NWD1: variants seen among roughly 807,000 people sequenced by gnomAD.
NWD1 encodes NACHT and WD repeat domain containing 1, also known as NACHT domain- and WD repeat-containing protein 1.
A neutral mutation model predicts 135.1 loss-of-function variants in NWD1; 129 were observed. The ratio of observed to expected loss-of-function variants is 0.96; its 90% confidence interval spans 0.83 to 1.11. The LOEUF is 1.11. Among genes scored for constraint, NWD1 ranks in the 50% least tolerant of loss-of-function variants. The pLI, the probability that NWD1 is intolerant of heterozygous loss-of-function variation, is 0.00. For synonymous variants in NWD1, 773 were observed against 786.0 expected (o/e 0.98, Z 0.28); for missense variants, 1,740 against 1,851.3 (o/e 0.94, Z 1.10).
intron 12 of NWD1, among the ~76,000 whole-genome samples, chr19:16,788,169 G>A (rs1264487371): frequency 2.0e-5 from 3 of 146,666 alleles, no homozygotes. Context: ...AGTGAAGGTT[G>A]CAATAAGCCA....
intron 10 of NWD1, among the ~76,000 whole-genome samples, chr19:16,770,691 G>A (rs1363411154): frequency 6.6e-6 from 1 of 152,080 alleles, no homozygotes; most frequent in Non-Finnish European, 1.5e-5. Context: ...AGGGCTGCTG[G>A]GAAGAGTACG....
intron 1 of NWD1, among the ~76,000 whole-genome samples, chr19:16,722,695 C>T (rs1967183900): frequency 6.6e-6 from 1 of 151,864 alleles, no homozygotes; most frequent in Non-Finnish European, 1.5e-5. Context: ...CCTCTAAGCC[C>T]TTGGAATGGG....
At position 16,790,329 on chromosome 19, in the gene NWD1, A is replaced by G. The variant is rs566225659; in HGVS notation, c.2941-1021A>G. Among the ~76,000 whole-genome samples, 26 of 152,268 alleles carry G rather than the reference A, an allele frequency of 1.7e-4. No individual in the cohort carries two copies. In the South Asian group the frequency reaches 5.2e-3, roughly 30 times the overall value. On this transcript the variant is annotated intron_variant, in intron 13 of 18. Transcript: ENST00000524140. Reference sequence around the variant, plus strand: ...TAGTGCTTAGCACACTGTAAGCACCAAATAATTGATATCTATTTATTATTA... The same window carrying G: ...TAGTGCTTAGCACACTGTAAGCACCGAATAATTGATATCTATTTATTATTA...
chr19:16,781,967 G>A (rs1969868492), intron 12 of NWD1, among the ~76,000 whole-genome samples: 1 of 151,298 alleles, frequency 6.6e-6, no homozygotes, highest in Non-Finnish European at 1.5e-5. Flanking sequence ...GATGGTGGGT[G>A]CCTGTAGTCC....
chr19:16,764,120 A>G (rs1386486627), intron 9 of NWD1, among the ~76,000 whole-genome samples, 175 bp downstream of exon 9: 1 of 152,156 alleles, frequency 6.6e-6, no homozygotes, highest in Non-Finnish European at 1.5e-5. Context: ...GTCCGCAGAT[A>G]GTTTTGGTTG....
Position 16,749,366 on chromosome 19 carries a change from C to CCT in NWD1, c.724_725insCT (p.His242ProfsTer11). 1 of 1,613,634 alleles carries CCT rather than the reference C, an allele frequency of 6.2e-7. No individual in the cohort carries two copies. Among genetic ancestry groups the CCT allele is most frequent in the Non-Finnish European group, 8.5e-7 (1 of 1,179,740 alleles). On this transcript the variant is annotated frameshift_variant, in exon 6 of 19. Transcript: ENST00000524140. LOFTEE classifies it high-confidence loss of function. ...CATGCACCCAGGGGTCCTCAAGACC[C>CCT]ACCGCCTGCCGTGGAGCCGCGACTT...
chr19:16,754,468 CCAT>C (rs1968706916), intron 6 of NWD1, among the ~76,000 whole-genome samples: 1 of 121,636 alleles, frequency 8.2e-6, no homozygotes, highest in East Asian at 2.0e-4. Flanking sequence ...TATTTTCCAT[CCAT>C]CCATCCATCC....
chr19:16,725,154 C>G (rs1967279835), intron 2 of NWD1, among the ~76,000 whole-genome samples: 1 of 151,756 alleles, frequency 6.6e-6, no homozygotes, highest in Admixed American at 6.6e-5. Flanking sequence ...GCTGGGACTA[C>G]AGGCGTGCAC....
chr19:16,749,200 CG>C lies in NWD1; in HGVS notation c.559del (p.Val187SerfsTer65). The C allele has an allele frequency of 6.2e-7, 1 of 1,613,662 alleles. No homozygotes were observed. Among genetic ancestry groups the C allele is most frequent in the Non-Finnish European group, 8.5e-7 (1 of 1,179,726 alleles). ...CAGAGGACCGGGAACAGGGAGCCACCGTCTTCCTTAGAGAGATCCAAGACCT... is the reference window on the plus strand; with the variant it reads ...CAGAGGACCGGGAACAGGGAGCCACCTCTTCCTTAGAGAGATCCAAGACCT... ...SSEDREQGAT[V>X]FLREIQDLHK... On this transcript the variant is annotated frameshift_variant, in exon 6 of 19. Transcript: ENST00000524140. LOFTEE classifies it high-confidence loss of function.
At chr19:16,785,174 C>T (rs1969996725) in intron 12 of NWD1, among the ~76,000 whole-genome samples, 1 of 152,014 alleles carries the variant, frequency 6.6e-6, no homozygotes. Context: ...GGTTGCACAA[C>T]ACTGTGAATG....
intron 11 of NWD1, among the ~76,000 whole-genome samples, chr19:16,775,386 C>A (rs1267759305): frequency 6.6e-6 from 1 of 151,836 alleles, no homozygotes; most frequent in Non-Finnish European, 1.5e-5. Context: ...AAAGCAGAGG[C>A]AAGAGGGAGT....
chr19:16,720,358 G>A (rs550284272), intron 1 of NWD1, 65 bp downstream of exon 1: 2 of 152,190 alleles, frequency 1.3e-5, no homozygotes, highest in Admixed American at 6.6e-5. Flanking sequence ...GGGTCACTAC[G>A]CAATGGGATG....
intron 1 of NWD1, among the ~76,000 whole-genome samples, chr19:16,723,489 TA>T (rs1257574067): frequency 1.3e-5 from 2 of 151,926 alleles, no homozygotes; most frequent in Non-Finnish European, 2.9e-5. Flanking sequence ...ATAATTTTTT[TA>T]TTTTGTAGAG....
At chr19:16,801,521 G>C (rs897781078) in intron 17 of NWD1, 1 of 152,188 alleles carries the variant, frequency 6.6e-6, no homozygotes, top group African/African-American at 2.4e-5. Context: ...CGGATCACTT[G>C]AGCTCAGGAG....
In NWD1 at chr19:16,815,812, T is replaced by C. The variant is rs911699947; in HGVS notation, c.*773T>C. The C allele has an allele frequency of 6.4e-6, 1 of 155,912 alleles. No individual in the cohort carries two copies. Among genetic ancestry groups the C allele is most frequent in the African/African-American group, 2.4e-5 (1 of 41,450 alleles). The allele number at this position is 155,912 out of a possible 1,614,324, so 9.7% of individuals were successfully genotyped here. A position where few individuals can be genotyped will look rare whatever the true frequency, so the allele number is the denominator to read the frequency against. On this transcript the variant is annotated 3_prime_UTR_variant, in exon 19 of 19. Transcript: ENST00000524140. ...ACGGATGAATGTGAGATACAGCAAA[T>C]CACTGATGTGGACCACAGAACCTCA... is the stretch of plus-strand genomic sequence containing the variant.
rs772654304 is a variant in NWD1, at chr19:16,807,612, T to C, written c.3763T>C (p.Ser1255Pro). ...EGEEQDSLDT[S>P]SEIRCLEVAE... Reference sequence around the variant, plus strand: ...CGAGGAACAAGATTCCCTGGACACCTCCAGTGAGATCAGGTGTCTGGAGGT... The same window carrying C: ...CGAGGAACAAGATTCCCTGGACACCCCCAGTGAGATCAGGTGTCTGGAGGT... The change falls in exon 18 of 19, where the codon TCC (serine) becomes CCC (proline). Residue 1255 changes from serine (S) to proline (P), a missense_variant. By Grantham distance (74) the Ser-to-Pro change is moderately conservative. Coordinates refer to ENST00000524140, the MANE Select transcript of NWD1 (RefSeq NM_001007525.5). 5 of 1,537,268 alleles carry C rather than the reference T, an allele frequency of 3.3e-6. No individual in the cohort carries two copies. The East Asian group carries it at 1.1e-4, about 35-fold the overall frequency.
Position 16,797,716 on chromosome 19 carries a change from G to T in NWD1, c.3305-16G>T, listed in dbSNP as rs565889851. ...TCTGGACATGAGAGGTGTAACCCCAGTTCCTGCCGTTTCAGGCTTTGGAAG... is the reference window on the plus strand; with the variant it reads ...TCTGGACATGAGAGGTGTAACCCCATTTCCTGCCGTTTCAGGCTTTGGAAG... On this transcript the variant is annotated splice_polypyrimidine_tract_variant and intron_variant, in intron 15 of 18. Transcript: ENST00000524140. 85 of 1,611,812 alleles carry T rather than the reference G, an allele frequency of 5.3e-5. No homozygotes were observed. The highest frequency in any genetic ancestry group is 1.5e-5 in the Non-Finnish European group (18 of 1,178,744).
chr19:16,741,002 T>C (rs926420798), intron 4 of NWD1, among the ~76,000 whole-genome samples: 3 of 152,032 alleles, frequency 2.0e-5, no homozygotes, highest in South Asian at 2.1e-4. Context: ...CTACTAAAAA[T>C]ACAAAAAATT....
intron 12 of NWD1, among the ~76,000 whole-genome samples, chr19:16,780,158 CTTT>C (rs530860435): frequency 2.2e-5 from 3 of 138,850 alleles, no homozygotes; most frequent in Non-Finnish European, 3.2e-5. Flanking sequence ...GGCAAGGTTT[CTTT>C]TTTTTTTTTT....
Sources: gnomAD v4.1 joint callset for allele counts (sites outside exome capture counted in the v4.1 genomes callset) on GRCh38, gnomAD v4.1.1 for gene constraint, MANE v1.5 for transcripts, NCBI Gene and HGNC (gene_info 2026-07-23, HGNC 2026-07-21) for gene names.